The following MCTP1 variants were observed in gnomAD, a reference collection of about 807,000 sequenced individuals.
MCTP1 encodes multiple C2 and transmembrane domain-containing protein 1.
MCTP1 carries 69 observed loss-of-function variants against 120.6 expected under a neutral mutation model. That is an observed-to-expected ratio of 0.57 (90% CI 0.47 to 0.70). The LOEUF (loss-of-function observed/expected upper bound fraction) is 0.70, where lower values mean the gene tolerates loss of function less well. Among genes scored for constraint, MCTP1 ranks in the 30% least tolerant of loss-of-function variants. The probability of loss-of-function intolerance (pLI) is 0.00; values close to 1 mark genes in which losing one functional copy is unlikely to be tolerated. For missense variants in MCTP1, 1,203 were observed against 1,248.8 expected (o/e 0.96, Z 0.55); for synonymous variants, 529 against 493.1 (o/e 1.07, Z -0.96).
At chr5:95,264,055 C>A (rs1240213825) in intron 1 of MCTP1, among the ~76,000 whole-genome samples, 1 of 152,300 alleles carries the variant, frequency 6.6e-6, no homozygotes, top group East Asian at 1.9e-4. Flanking sequence ...TGGGTAAACA[C>A]TACTAAAGCA....
At chr5:95,098,428 T>G (rs2152360303) in intron 1 of MCTP1, among the ~76,000 whole-genome samples, 1 of 152,318 alleles carries the variant, frequency 6.6e-6, no homozygotes, top group South Asian at 2.1e-4. Context: ...TTTACACAAC[T>G]TATCAATAAT....
At chr5:95,042,205 T>C (rs1320363031) in intron 1 of MCTP1, among the ~76,000 whole-genome samples, 1 of 152,174 alleles carries the variant, frequency 6.6e-6, no homozygotes, top group African/African-American at 2.4e-5. Flanking sequence ...GGTAAGGAAG[T>C]ATTTATTTAT....
chr5:94,859,260 A>G (rs1252962831), intron 17 of MCTP1, among the ~76,000 whole-genome samples: 1 of 151,694 alleles, frequency 6.6e-6, no homozygotes, highest in Non-Finnish European at 1.5e-5. Context: ...GGCTCTTGCC[A>G]TAGAAGAACA....
At chr5:95,022,256 T>C (rs766960295) in intron 1 of MCTP1, among the ~76,000 whole-genome samples, 1 of 152,354 alleles carries the variant, frequency 6.6e-6, no homozygotes, top group Non-Finnish European at 1.5e-5. Flanking sequence ...CCAACCTAAC[T>C]GAAGCCTATC....
At chr5:94,717,814 G>A (rs979003410) in intron 19 of MCTP1, among the ~76,000 whole-genome samples, 1 of 152,070 alleles carries the variant, frequency 6.6e-6, no homozygotes, top group Non-Finnish European at 1.5e-5. Flanking sequence ...AGGTAACAAG[G>A]GAAGGGAAGG....
At chr5:94,981,798 C>T (rs755786951) in intron 2 of MCTP1, among the ~76,000 whole-genome samples, 2 of 152,106 alleles carry the variant, frequency 1.3e-5, no homozygotes, top group African/African-American at 2.4e-5. Flanking sequence ...TCTAACATTG[C>T]TGGAGCTAGT....
chr5:95,104,176 C>G (rs1238152918), intron 1 of MCTP1, among the ~76,000 whole-genome samples: 3 of 152,150 alleles, frequency 2.0e-5, no homozygotes, highest in South Asian at 2.1e-4. Flanking sequence ...GACTTACCCC[C>G]CCTCCCAAGT....
At chr5:95,283,766 C>T in intron 1 of MCTP1, 90 bp downstream of exon 1, 1 of 1,068,356 alleles carries the variant, frequency 9.4e-7, no homozygotes. Flanking sequence ...CGCCTCCCGG[C>T]CCCCGCCCCC....
At chr5:95,133,547 T>A (rs1187883177) in intron 1 of MCTP1, among the ~76,000 whole-genome samples, 10 of 152,158 alleles carry the variant, frequency 6.6e-5, no homozygotes. Context: ...CCCAGCTACT[T>A]GGGAGGCTGA....
intron 2 of MCTP1, among the ~76,000 whole-genome samples, chr5:94,959,239 C>G (rs919528802): frequency 2.0e-5 from 3 of 152,048 alleles, no homozygotes; most frequent in African/African-American, 7.2e-5. Flanking sequence ...GCTAAAAACA[C>G]TCAATAAACC....
intron 1 of MCTP1, among the ~76,000 whole-genome samples, chr5:95,093,603 G>A (rs772392871): frequency 3.3e-5 from 5 of 152,042 alleles, no homozygotes; most frequent in Non-Finnish European, 7.4e-5. Context: ...TGGGGGAGAG[G>A]ATAAATATAT....
intron 6 of MCTP1, chr5:94,929,562 AATG>A: frequency 1.3e-6 from 1 of 742,276 alleles, no homozygotes; most frequent in African/African-American, 1.9e-5. Context: ...ATATTTAGAA[AATG>A]ATGCATTTTC....
At chr5:94,856,846 TG>T in intron 17 of MCTP1, among the ~76,000 whole-genome samples, 2 of 151,800 alleles carry the variant, frequency 1.3e-5, no homozygotes, top group Middle Eastern at 6.8e-3. Context: ...AGCCTTTATA[TG>T]CAACACTCTG....
chr5:95,005,668 T>C (rs1381137924), intron 2 of MCTP1, among the ~76,000 whole-genome samples: 1 of 152,078 alleles, frequency 6.6e-6, no homozygotes, highest in African/African-American at 2.4e-5. Context: ...CTGCTTCCCC[T>C]TCACCTTCTA....
intron 1 of MCTP1, among the ~76,000 whole-genome samples, chr5:95,281,306 A>G (rs79231761): frequency 0.013 from 1,945 of 152,298 alleles, 40 homozygotes; most frequent in African/African-American, 0.043. Context: ...CTGACTCCTG[A>G]GCAGCTGAAT....
In MCTP1 at chr5:95,278,437, T is replaced by C. The variant is rs573737619; in HGVS notation, c.720+5419A>G. ...TGTCATAAACAGGTATGGTTTATACTCTAGTTTTATAAAAACATGCACGTT... is the reference window on the plus strand; with the variant it reads ...TGTCATAAACAGGTATGGTTTATACCCTAGTTTTATAAAAACATGCACGTT... On this transcript the variant is annotated intron_variant, in intron 1 of 22. Coordinates refer to ENST00000515393, the MANE Select transcript of MCTP1 (RefSeq NM_024717.7). 1.2e-4 allele frequency among the ~76,000 whole-genome samples: 19 copies of C among 152,320 alleles called. 1 individual carries two copies. The highest frequency in any genetic ancestry group is 3.6e-4 in the African/African-American group (15 of 41,570).
chr5:94,930,725 C>G (rs1445045976), intron 6 of MCTP1: 2 of 151,960 alleles, frequency 1.3e-5, no homozygotes, highest in African/African-American at 4.8e-5. Context: ...ATGTTTTTTA[C>G]ACAAATATAT....
At chr5:95,157,687 A>C (rs1364355840) in intron 1 of MCTP1, among the ~76,000 whole-genome samples, 4 of 152,252 alleles carry the variant, frequency 2.6e-5, no homozygotes, top group Non-Finnish European at 5.9e-5. Flanking sequence ...ATGTACAAAC[A>C]AAGTCACCAT....
At chr5:95,108,539 C>T (rs186197092) in intron 1 of MCTP1, among the ~76,000 whole-genome samples, 1 of 152,160 alleles carries the variant, frequency 6.6e-6, no homozygotes, top group Non-Finnish European at 1.5e-5. Flanking sequence ...AGTATCAGAC[C>T]TAGGCAGCTC....
Sources: gnomAD v4.1 joint callset for allele counts (sites outside exome capture counted in the v4.1 genomes callset) on GRCh38, gnomAD v4.1.1 for gene constraint, MANE v1.5 for transcripts, NCBI Gene and HGNC (gene_info 2026-07-23, HGNC 2026-07-21) for gene names.